MECOM: variants seen among roughly 807,000 people sequenced by gnomAD.
MECOM encodes the protein MDS1 and EVI1 complex locus, also known as histone-lysine N-methyltransferase MECOM.
In MECOM, 13 loss-of-function variants were observed where a neutral mutation model predicts 116.3. The ratio of observed to expected loss-of-function variants is 0.11; its 90% CI spans 0.07 to 0.18. The LOEUF (loss-of-function observed/expected upper bound fraction) is 0.18. Ranked by LOEUF, MECOM falls within the 10% of genes least tolerant of loss-of-function variation. MECOM has a pLI of 1.00. For missense variants in MECOM, 1,299 were observed against 1,509.0 expected, an observed-to-expected ratio of 0.86 and a Z score of 2.31; for synonymous variants, 528 against 535.2, an observed-to-expected ratio of 0.99 and a Z score of 0.19.
chr3:169,229,056 A>G (rs1344410940), intron 2 of MECOM, among the ~76,000 whole-genome samples: 1 of 152,150 alleles, frequency 6.6e-6, no homozygotes. Context: ...TCACATATAC[A>G]TGAGTGTTAA....
chr3:169,250,785 A>G (rs1204705195), intron 2 of MECOM, among the ~76,000 whole-genome samples: 3 of 152,228 alleles, frequency 2.0e-5, no homozygotes, highest in African/African-American at 4.8e-5. Flanking sequence ...AAAAAAAGGT[A>G]TAAATGGAAA....
intron 2 of MECOM, among the ~76,000 whole-genome samples, chr3:169,209,938 G>A (rs1244988576): frequency 6.6e-6 from 1 of 152,112 alleles, no homozygotes; most frequent in African/African-American, 2.4e-5. Context: ...CAATAGCAAA[G>A]TCATGGAACC....
At chr3:169,509,734 C>G (rs1474826530) in intron 1 of MECOM, among the ~76,000 whole-genome samples, 3 of 152,214 alleles carry the variant, frequency 2.0e-5, no homozygotes, top group Non-Finnish European at 4.4e-5. Flanking sequence ...TATGTTTACA[C>G]CACACTTTGT....
At chr3:169,527,785 G>T (rs527262343) in intron 1 of MECOM, among the ~76,000 whole-genome samples, 2 of 152,156 alleles carry the variant, frequency 1.3e-5, no homozygotes, top group African/African-American at 4.8e-5. Flanking sequence ...AATCTGTATT[G>T]CTATTGGCAC....
chr3:169,556,095 T>C (rs1473442996), intron 1 of MECOM, among the ~76,000 whole-genome samples: 2 of 152,208 alleles, frequency 1.3e-5, no homozygotes, highest in African/African-American at 2.4e-5. Context: ...TTCTTTAAAC[T>C]CCTTTCAAAA....
intron 1 of MECOM, among the ~76,000 whole-genome samples, chr3:169,538,707 G>A (rs1056782490): frequency 1.3e-5 from 2 of 152,146 alleles, no homozygotes; most frequent in South Asian, 4.1e-4. Flanking sequence ...TAGATGTTGA[G>A]GCTAGGATTC....
intron 13 of MECOM, 121 bp from the exon 14 acceptor site, chr3:169,093,223 A>G: frequency 1.0e-6 from 1 of 993,700 alleles, no homozygotes; most frequent in Non-Finnish European, 1.4e-6. Flanking sequence ...ATGAATATTA[A>G]TAATAATAAC....
chr3:169,596,113 C>T (rs1767100367), intron 1 of MECOM, among the ~76,000 whole-genome samples: 2 of 152,194 alleles, frequency 1.3e-5, no homozygotes, highest in African/African-American at 4.8e-5. Flanking sequence ...TTATTGACAA[C>T]TTCTCCATTT....
intron 2 of MECOM, among the ~76,000 whole-genome samples, chr3:169,202,527 G>T (rs1749299503): frequency 6.6e-6 from 1 of 151,274 alleles, no homozygotes. Context: ...ATTTGTTAAG[G>T]TTTGAAGCTT....
chr3:169,454,267 C>A (rs1420668202), intron 1 of MECOM, among the ~76,000 whole-genome samples: 2 of 151,732 alleles, frequency 1.3e-5, no homozygotes, highest in South Asian at 4.2e-4. Flanking sequence ...AGAACAGCTT[C>A]ATAATTGAAA....
chr3:169,435,293 G>A (rs540587307), intron 1 of MECOM, among the ~76,000 whole-genome samples: 11 of 152,236 alleles, frequency 7.2e-5, no homozygotes, highest in East Asian at 5.8e-4. Context: ...ATTTGTTCCC[G>A]TGACAATATT....
At chr3:169,098,425 A>G (rs973172329) in intron 12 of MECOM, among the ~76,000 whole-genome samples, 1 of 152,138 alleles carries the variant, frequency 6.6e-6, no homozygotes, top group African/African-American at 2.4e-5. Context: ...TTTTCTCATT[A>G]TTAGAGTGAG....
At chr3:169,265,438 G>A (rs1430644971) in intron 2 of MECOM, among the ~76,000 whole-genome samples, 3 of 152,188 alleles carry the variant, frequency 2.0e-5, no homozygotes, top group African/African-American at 4.8e-5. Context: ...GCTAAAGTAT[G>A]TACTGCGATT....
At chr3:169,388,834 T>C (rs1480238975) in intron 1 of MECOM, among the ~76,000 whole-genome samples, 1 of 152,162 alleles carries the variant, frequency 6.6e-6, no homozygotes, top group Non-Finnish European at 1.5e-5. Flanking sequence ...CCTTGCACTT[T>C]TAGTATTTGC....
intron 2 of MECOM, among the ~76,000 whole-genome samples, chr3:169,233,132 A>G (rs1270070898): frequency 6.6e-6 from 1 of 152,112 alleles, no homozygotes. Context: ...GACGTCTGAT[A>G]CTGGTTTTCC....
chr3:169,291,258 C>T (rs1714503473), intron 2 of MECOM, among the ~76,000 whole-genome samples: 1 of 152,126 alleles, frequency 6.6e-6, no homozygotes, highest in East Asian at 1.9e-4. Flanking sequence ...AGCCCAGCTC[C>T]CTAGGGCTTT....
At chr3:169,565,690 C>T (rs1763152533) in intron 1 of MECOM, among the ~76,000 whole-genome samples, 1 of 152,210 alleles carries the variant, frequency 6.6e-6, no homozygotes, top group African/African-American at 2.4e-5. Context: ...GGGAATGGAG[C>T]TCCAGAAAAA....
In MECOM at chr3:169,115,454, T is replaced by G. The variant is rs777893091; in HGVS notation, c.2418A>C (p.Glu806Asp). The change falls in exon 8 of 17, where the codon GAA (glutamate) becomes GAC (aspartate). Residue 806 changes from glutamate to aspartate, a missense_variant. Glu to Asp is a conservative substitution (Grantham distance 45). Coordinates refer to ENST00000651503, the MANE Select transcript of MECOM (RefSeq NM_004991.4). ...AGGAACCATCTGAAGCAGGTCTTGATTCGACGTTGCTTCCTTTTTTTCCCC... is the reference window on the plus strand; with the variant it reads ...AGGAACCATCTGAAGCAGGTCTTGAGTCGACGTTGCTTCCTTTTTTTCCCC... ...VFGGKKGSNV[E>D]SRPASDGSLQ... is the part of the protein sequence containing the mutation. The G allele has an allele frequency of 6.2e-7, 1 of 1,614,202 alleles. No individual in the cohort carries two copies. The highest frequency in any genetic ancestry group is 8.5e-7 in the Non-Finnish European group (1 of 1,180,040).
chr3:169,577,946 G>A (rs115689478), intron 1 of MECOM, among the ~76,000 whole-genome samples: 54 of 152,148 alleles, frequency 3.5e-4, no homozygotes, highest in Non-Finnish European at 7.2e-4. Flanking sequence ...TGGATTATCA[G>A]TCAACATGAA....
Sources: allele counts gnomAD v4.1 joint callset (sites outside exome capture counted in the v4.1 genomes callset), GRCh38; gene constraint gnomAD v4.1.1; transcripts MANE v1.5; gene names NCBI Gene and HGNC (gene_info 2026-07-23, HGNC 2026-07-21).